The following INPP5D variants were observed in gnomAD, a reference collection of about 807,000 sequenced individuals.
INPP5D encodes the protein inositol polyphosphate-5-phosphatase D.
In INPP5D, 33 loss-of-function variants were observed where a neutral mutation model predicts 122.9. The ratio of observed to expected loss-of-function variants is 0.27; its 90% CI spans 0.20 to 0.36. The LOEUF (loss-of-function observed/expected upper bound fraction) is 0.36. Ranked by LOEUF, INPP5D falls within the 10% of genes least tolerant of loss-of-function variation. The probability of loss-of-function intolerance (pLI) is 1.00; values close to 1 mark genes in which losing one functional copy is unlikely to be tolerated. For synonymous variants in INPP5D, 584 were observed against 576.2 expected, an observed-to-expected ratio of 1.01 and a Z score of -0.19; for missense variants, 1,053 against 1,412.7, an observed-to-expected ratio of 0.75 and a Z score of 4.08.
At chr2:233,155,874 C>G (rs904539124) in intron 9 of INPP5D, among the ~76,000 whole-genome samples, 1 of 152,100 alleles carries the variant, frequency 6.6e-6, no homozygotes, top group Non-Finnish European at 1.5e-5. Context: ...AAGAAAAGAT[C>G]CTAAAAATGT....
intron 22 of INPP5D, among the ~76,000 whole-genome samples, chr2:233,191,490 C>T (rs147416903): frequency 5.3e-5 from 8 of 152,324 alleles, no homozygotes; most frequent in Admixed American, 5.2e-4. Flanking sequence ...GGGTTAGATG[C>T]AGTGCCGCGG....
At chr2:233,137,955 T>G (rs371198419) in intron 5 of INPP5D, among the ~76,000 whole-genome samples, 5 of 53,654 alleles carry the variant, frequency 9.3e-5, no homozygotes, top group Non-Finnish European at 1.5e-4. Flanking sequence ...GATATAATGA[T>G]ATTATATTAT....
At chr2:233,132,495 A>T (rs1288398467) in intron 5 of INPP5D, among the ~76,000 whole-genome samples, 2 of 152,218 alleles carry the variant, frequency 1.3e-5, no homozygotes, top group African/African-American at 4.8e-5. Context: ...AGAATTAAAG[A>T]CACCGTCATG....
intron 2 of INPP5D, among the ~76,000 whole-genome samples, chr2:233,116,105 GT>G (rs955304720): frequency 7.2e-5 from 11 of 151,888 alleles, no homozygotes; most frequent in African/African-American, 2.7e-4. Flanking sequence ...TTGTTTGTTT[GT>G]TTTTTCTGCT....
chr2:233,163,259 G>T (rs1366671917), intron 11 of INPP5D, among the ~76,000 whole-genome samples: 8 of 152,160 alleles, frequency 5.3e-5, no homozygotes, highest in Admixed American at 5.2e-4. Context: ...TCACACCCAG[G>T]CATCCCTCCG....
intron 1 of INPP5D, among the ~76,000 whole-genome samples, chr2:233,069,494 T>C (rs968917373): frequency 5.9e-5 from 9 of 152,236 alleles, no homozygotes; most frequent in Admixed American, 5.2e-4. Context: ...CCTGTATGTA[T>C]GTAATTTCCA....
At position 233,146,436 on chromosome 2, in the gene INPP5D, G is replaced by A; in HGVS notation, c.904G>A (p.Glu302Lys). ...RPSLIPPVTF[E>K]VKAESLGIPQ... The stretch of plus-strand genomic sequence containing the variant: ...CTCCCTTATCCCTCCAGTCACCTTT[G>A]AGGTAAGTGGCCATGGGACAGCAGA... Residue 302 changes from glutamate (E) to lysine (K), a missense_variant and splice_region_variant, in exon 8 of 27, where the codon GAG becomes AAG. Physicochemically the swap from Glu to Lys is moderately conservative, Grantham distance 56. Coordinates refer to ENST00000445964, the MANE Select transcript of INPP5D (RefSeq NM_001017915.3). 1 of 704,150 alleles carries A rather than the reference G, an allele frequency of 1.4e-6. No individual in the cohort carries two copies. 43.6% of individuals were successfully genotyped at this position (704,150 alleles called of 1,614,324 possible). A position where few individuals can be genotyped will look rare whatever the true frequency, so the allele number is the denominator to read the frequency against.
intron 2 of INPP5D, among the ~76,000 whole-genome samples, chr2:233,111,935 T>G (rs527373047): frequency 7.3e-6 from 1 of 137,724 alleles, no homozygotes; most frequent in East Asian, 2.0e-4. Flanking sequence ...TGGTGATGCA[T>G]GCCTATAGTC....
rs766497313 is a variant in INPP5D, at chr2:233,169,369, C to G, written c.1620C>G (p.Ser540Arg). ...FNGTSLGFVNSHLTSGSEKKL... is the reference protein window; with the variant it reads ...FNGTSLGFVNRHLTSGSEKKL... ...GAACCTCCTTAGGGTTCGTCAACAG[C>G]CACTTGACTTCAGGAAGTGAAAAGA... The change falls in exon 14 of 27, where the codon AGC becomes AGG. Residue 540 changes from serine (S) to arginine (R), a missense_variant. By Grantham distance (110) the Ser-to-Arg change is moderately radical (BLOSUM62 -1). Transcript: ENST00000445964. 1 of 1,603,158 alleles carries G rather than the reference C, an allele frequency of 6.2e-7. No homozygotes were observed. The highest frequency in any genetic ancestry group is 1.3e-5 in the African/African-American group (1 of 74,890).
At chr2:233,106,793 C>T (rs1692479805) in intron 2 of INPP5D, among the ~76,000 whole-genome samples, 1 of 152,186 alleles carries the variant, frequency 6.6e-6, no homozygotes, top group South Asian at 2.1e-4. Context: ...ACCTGAGTTT[C>T]CCAGATGAGG....
chr2:233,106,424 C>T (rs1692471944), intron 2 of INPP5D, among the ~76,000 whole-genome samples: 1 of 152,238 alleles, frequency 6.6e-6, no homozygotes, highest in African/African-American at 2.4e-5. Flanking sequence ...ACTCAATGTG[C>T]CCTTAAAGCC....
chr2:233,127,458 A>G (rs1286897284), intron 4 of INPP5D, among the ~76,000 whole-genome samples: 2 of 152,178 alleles, frequency 1.3e-5, no homozygotes, highest in African/African-American at 4.8e-5. Context: ...CCTTTTGATT[A>G]TTTTTCTTTA....
chr2:233,142,529 G>A (rs945120437), intron 6 of INPP5D, among the ~76,000 whole-genome samples: 4 of 152,146 alleles, frequency 2.6e-5, no homozygotes, highest in Admixed American at 6.5e-5. Flanking sequence ...CCTTAAGTAG[G>A]CAAGACAAGC....
At chr2:233,184,378 G>C in intron 19 of INPP5D, 30 bp from the exon 20 acceptor site, 2 of 1,611,774 alleles carry the variant, frequency 1.2e-6, no homozygotes, top group Non-Finnish European at 1.7e-6. Context: ...GCACATTGTG[G>C]AACTGAATCC....
intron 2 of INPP5D, among the ~76,000 whole-genome samples, chr2:233,092,138 G>A (rs1003479538): frequency 4.6e-5 from 7 of 152,204 alleles, no homozygotes; most frequent in Non-Finnish European, 7.3e-5. Flanking sequence ...CGAGGTTGGC[G>A]CTGGGTCTGG....
intron 1 of INPP5D, among the ~76,000 whole-genome samples, chr2:233,070,746 C>G (rs1282159934): frequency 6.6e-6 from 1 of 152,046 alleles, no homozygotes; most frequent in Non-Finnish European, 1.5e-5. Context: ...CGGCCAGGAT[C>G]CAGCAGTTTA....
In INPP5D at chr2:233,122,264, AG is replaced by A. The variant is rs1468141606; in HGVS notation, c.349+10del. On this transcript the variant is annotated splice_region_variant and intron_variant, in intron 3 of 26. Transcript: ENST00000445964. ...GACCCTGAGGAGGACACAGGTAGGG[AG>A]GGAGGGACAGGACGGCAGGAGGTAC... The A allele has an allele frequency of 6.2e-7, 1 of 1,612,654 alleles. No homozygotes were observed. The highest frequency in any genetic ancestry group is 1.1e-5 in the South Asian group (1 of 91,010).
rs138415867 is a variant in INPP5D at position 233,113,620 on chromosome 2, A to G, written c.199-8487A>G. ...CCCCACCACACTGCCCACCTTTCCT[A>G]TCTCATTAAATATCACCAACATCAA... On this transcript the variant is annotated intron_variant, in intron 2 of 26. Transcript: ENST00000445964. 1.0e-3 allele frequency among the ~76,000 whole-genome samples: 153 copies of G among 152,048 alleles called. 1 individual carries two copies. The highest frequency in any genetic ancestry group is 3.4e-3 in the Middle Eastern group (1 of 294).
chr2:233,110,051 ATTT>A (rs34202139), intron 2 of INPP5D, among the ~76,000 whole-genome samples: 1,853 of 136,612 alleles, frequency 0.014, 39 homozygotes, highest in African/African-American at 0.048. Flanking sequence ...TGCTCAGCTA[ATTT>A]TTTTTTTTTT....
Sources: allele counts gnomAD v4.1 joint callset (sites outside exome capture counted in the v4.1 genomes callset), GRCh38; gene constraint gnomAD v4.1.1; transcripts MANE v1.5; gene names NCBI Gene and HGNC (gene_info 2026-07-23, HGNC 2026-07-21).